Variants in MGAM observed in about 807,000 individuals in gnomAD.
The protein encoded by MGAM is alpha-1,4-glucosidase.
In MGAM, 253 loss-of-function variants were observed where a neutral mutation model predicts 358.8. The observed-to-expected ratio is 0.71, with a 90% CI of 0.64 to 0.78. The LOEUF is 0.78. MGAM is among the 30% of genes least tolerant of loss of function. MGAM has a pLI of 0.00. For missense variants in MGAM, 3,080 were observed against 3,432.6 expected (o/e 0.90, Z 2.57); for synonymous variants, 1,105 against 1,227.1 (o/e 0.90, Z 2.08).
Position 142,067,696 on chromosome 7 carries a change from G to A in MGAM, c.5004+271G>A, listed in dbSNP as rs569215452. Among the ~76,000 whole-genome samples, 22 of 141,074 alleles carry A rather than the reference G, an allele frequency of 1.6e-4. 1 individual carries two copies. Among genetic ancestry groups the A allele is most frequent in the African/African-American group, 4.7e-4 (19 of 40,678 alleles). The allele number at this position is 141,074 out of a possible 152,430, so 92.6% of individuals were successfully genotyped here. ...TAGTCAATGACACAATCATTTCTTCGTTAACTAAAATAATTAATAGAAGGT... is the reference window on the plus strand; with the variant it reads ...TAGTCAATGACACAATCATTTCTTCATTAACTAAAATAATTAATAGAAGGT... On this transcript the variant is annotated intron_variant, in intron 42 of 70. Coordinates refer to ENST00000475668, the MANE Select transcript of MGAM (RefSeq NM_001365693.1).
intron 29 of MGAM, among the ~76,000 whole-genome samples, chr7:142,056,458 A>G (rs1165686386): frequency 2.0e-5 from 3 of 152,120 alleles, no homozygotes; most frequent in African/African-American, 7.2e-5. Flanking sequence ...TTGGAAAATT[A>G]CCTATCGGGT....
chr7:142,082,237 G>T (rs1369948796), intron 51 of MGAM, 27 bp downstream of exon 51: 2 of 1,543,330 alleles, frequency 1.3e-6, no homozygotes, highest in South Asian at 2.3e-5. Context: ...TGAGATCTGT[G>T]TCTCTGCTTC....
rs541388538 is a variant in MGAM, at chr7:142,066,077, C to T, written c.4770+246C>T. ...CTCTGGGGCTAAAGCGATTGTCCCA[C>T]GTCAGCCTTCTGAATAGCTGGGATA... is the stretch of plus-strand genomic sequence containing the variant. On this transcript the variant is annotated intron_variant, in intron 40 of 70. Coordinates refer to ENST00000475668, the MANE Select transcript of MGAM (RefSeq NM_001365693.1). 9.0e-5 allele frequency among the ~76,000 whole-genome samples: 13 copies of T among 144,412 alleles called. No homozygotes were observed. The East Asian group carries it at 1.4e-3, about 16-fold the overall frequency. 94.7% of individuals were successfully genotyped at this position (144,412 alleles called of 152,430 possible).
Position 142,054,724 on chromosome 7 carries a change from G to A in MGAM, c.3160-30G>A, listed in dbSNP as rs200195892. The A allele has an allele frequency of 5.6e-6, 9 of 1,612,070 alleles. No individual in the cohort carries two copies. In the South Asian group the frequency reaches 7.7e-5, roughly 14 times the overall value. ...GGGTATAGGTTTCAAGAGTAGTATT[G>A]TTGCCTAAAATTGATTTCCTCTGGC... is the stretch of plus-strand genomic sequence containing the variant. On this transcript the variant is annotated intron_variant, in intron 26 of 70. Coordinates refer to ENST00000475668, the MANE Select transcript of MGAM (RefSeq NM_001365693.1).
Position 142,034,345 on chromosome 7 carries a change from C to A in MGAM, c.1753C>A (p.Leu585Met), listed in dbSNP as rs1554464979. The A allele has an allele frequency of 1.9e-6, 3 of 1,593,980 alleles. No individual in the cohort carries two copies. The highest frequency in any genetic ancestry group is 2.6e-6 in the Non-Finnish European group (3 of 1,169,798). Reference protein sequence around the residue: ...HWGKQYDIHNLYGYSMAVATA... With the variant: ...HWGKQYDIHNMYGYSMAVATA... ...GGGCAAGCAGTATGACATTCACAATCTGTATGGCTACTCCATGGCGGTCGC... is the reference window on the plus strand; with the variant it reads ...GGGCAAGCAGTATGACATTCACAATATGTATGGCTACTCCATGGCGGTCGC... Residue 585 changes from leucine (L) to methionine (M), a missense_variant, in exon 15 of 71, where the codon CTG becomes ATG. Transcript: ENST00000475668.
chr7:142,045,153 GTGA>G (rs1331793426), intron 21 of MGAM, among the ~76,000 whole-genome samples: 16 of 57,960 alleles, frequency 2.8e-4, no homozygotes, highest in African/African-American at 1.1e-3. Context: ...TATCATATAT[GTGA>G]TATATAATAT....
chr7:142,101,614 G>C (rs1816447402), intron 68 of MGAM, among the ~76,000 whole-genome samples: 1 of 151,716 alleles, frequency 6.6e-6, no homozygotes, highest in African/African-American at 2.4e-5. Context: ...ATTTAGAAAA[G>C]GGCCAGCACA....
chr7:142,050,276 G>C lies in MGAM; in HGVS notation c.2629G>C (p.Val877Leu), dbSNP rs770210571. ...NKVYLLCEFS[V>L]TQNRLEVNIS... ...AGTGTATCTTTTATGTGAGTTTTCTGTCACTCAAGTGAGTAGCATATTTTT... is the reference window on the plus strand; with the variant it reads ...AGTGTATCTTTTATGTGAGTTTTCTCTCACTCAAGTGAGTAGCATATTTTT... The change falls in exon 23 of 71, where the codon GTC becomes CTC. Residue 877 changes from valine (V) to leucine (L), a missense_variant. Val to Leu is a conservative substitution (Grantham distance 32). This residue lies in a region of MGAM where 1,816 missense variants were observed against 1,840.5 expected (regional missense o/e 0.99). Coordinates refer to ENST00000475668, the MANE Select transcript of MGAM (RefSeq NM_001365693.1). 1 of 1,613,584 alleles carries C rather than the reference G, an allele frequency of 6.2e-7. No individual in the cohort carries two copies. Among genetic ancestry groups the C allele is most frequent in the South Asian group, 1.1e-5 (1 of 91,076 alleles).
intron 1 of MGAM, among the ~76,000 whole-genome samples, chr7:142,002,136 G>C (rs1395385284): frequency 1.3e-5 from 2 of 152,094 alleles, no homozygotes; most frequent in African/African-American, 4.8e-5. Flanking sequence ...CTAATGAAAT[G>C]TTTAGCACAT....
chr7:142,011,734 T>C (rs935381766), intron 3 of MGAM, among the ~76,000 whole-genome samples: 4 of 152,174 alleles, frequency 2.6e-5, no homozygotes, highest in African/African-American at 9.6e-5. Flanking sequence ...CCTCAAAATA[T>C]TTTAGAATAG....
chr7:141,994,395 T>C (rs543941625), upstream of MGAM, among the ~76,000 whole-genome samples: 2 of 152,162 alleles, frequency 1.3e-5, no homozygotes, highest in South Asian at 2.1e-4. Context: ...TTGGTGGGCA[T>C]GGGGCTGGGG....
chr7:142,092,963 G>A (rs1053011185), intron 59 of MGAM, among the ~76,000 whole-genome samples: 3 of 146,302 alleles, frequency 2.1e-5, no homozygotes, highest in African/African-American at 7.3e-5. Flanking sequence ...CTTTATTGTG[G>A]AGCTGATGGA....
At position 142,102,684 on chromosome 7, in the gene MGAM, G is replaced by A. The variant is rs563239774; in HGVS notation, c.8013+5G>A. 4 of 1,612,792 alleles carry A rather than the reference G, an allele frequency of 2.5e-6. No individual in the cohort carries two copies. In the African/African-American group the frequency reaches 5.3e-5, roughly 21 times the overall value. On this transcript the variant is annotated splice_donor_5th_base_variant and intron_variant, in intron 69 of 70. Coordinates refer to ENST00000475668, the MANE Select transcript of MGAM (RefSeq NM_001365693.1). ...GCCAGCTTTTCTGCCAGCCAGGTGA[G>A]TGTGATTGATATGAAGTGAGAATAG... is the stretch of plus-strand genomic sequence containing the variant.
At position 142,050,209 on chromosome 7, in the gene MGAM, C is replaced by G; in HGVS notation, c.2588-26C>G. The G allele has an allele frequency of 1.9e-6, 3 of 1,613,206 alleles. No homozygotes were observed. In the South Asian group the frequency reaches 3.3e-5, roughly 18 times the overall value. On this transcript the variant is annotated intron_variant, in intron 22 of 70. Coordinates refer to ENST00000475668, the MANE Select transcript of MGAM (RefSeq NM_001365693.1). Reference sequence around the variant, plus strand: ...TCTTCTGAGGTGGGCAGGCCAGAATCTGACTTGTCTTTCTCTCACTTTCAG... The same window carrying G: ...TCTTCTGAGGTGGGCAGGCCAGAATGTGACTTGTCTTTCTCTCACTTTCAG...
At chr7:142,104,945 T>C (rs4395805) in intron 70 of MGAM, among the ~76,000 whole-genome samples, 37,829 of 152,084 alleles carry the variant, frequency 0.25, 5,644 homozygotes, top group Non-Finnish European at 0.33. Flanking sequence ...AAGTTTTCTT[T>C]CAGTTTTGCA....
chr7:142,076,416 C>A, intron 46 of MGAM, 164 bp downstream of exon 46: 2 of 905,820 alleles, frequency 2.2e-6, no homozygotes, highest in Non-Finnish European at 3.6e-6. Flanking sequence ...CAAAAGGAGG[C>A]ATTAATATAG....
At chr7:141,995,199 C>T (rs1804137960), upstream of MGAM, among the ~76,000 whole-genome samples, 1 of 151,258 alleles carries the variant, frequency 6.6e-6, no homozygotes, top group Non-Finnish European at 1.5e-5. Context: ...CTAAATCCCT[C>T]TCATAGGTTT....
At chr7:142,076,345 C>A in intron 46 of MGAM, 93 bp downstream of exon 46, 1 of 1,204,968 alleles carries the variant, frequency 8.3e-7, no homozygotes, top group Non-Finnish European at 1.2e-6. Flanking sequence ...ATATTTGTAA[C>A]TTTATATGCA....
chr7:142,033,877 A>G (rs1049400608), intron 14 of MGAM, among the ~76,000 whole-genome samples: 6 of 152,208 alleles, frequency 3.9e-5, no homozygotes, highest in African/African-American at 1.4e-4. Context: ...ATCATTCTCT[A>G]CAATATATGA....
Sources: gnomAD v4.1 joint callset for allele counts (sites outside exome capture counted in the v4.1 genomes callset) on GRCh38, gnomAD v4.1.1 for gene constraint, gnomAD v4.1.1 regional missense constraint, MANE v1.5 for transcripts, NCBI Gene and HGNC (gene_info 2026-07-23, HGNC 2026-07-21) for gene names.